Variants in ZNF791 observed in about 807,000 individuals in gnomAD.
ZNF791 encodes the protein zinc finger protein 791.
In ZNF791, 4 loss-of-function variants were observed where a neutral mutation model predicts 11.5. The ratio of observed to expected loss-of-function variants is 0.35; its 90% CI spans 0.17 to 0.80. The LOEUF is 0.80. Ranked by LOEUF, ZNF791 falls within the 30% of genes least tolerant of loss-of-function variation. The pLI is 0.53. For synonymous variants in ZNF791, 212 were observed against 228.1 expected (o/e 0.93, Z 0.64); for missense variants, 559 against 699.4 (o/e 0.80, Z 2.26).
At position 12,633,183 on chromosome 19, in the gene ZNF791, A is replaced by G. The variant is rs2023520668; in HGVS notation, c.*3923A>G. 6.6e-6 allele frequency: 1 copy of G among 152,168 alleles called. No homozygotes were observed. Among genetic ancestry groups the G allele is most frequent in the African/African-American group, 2.4e-5 (1 of 41,444 alleles). 9.4% of individuals were successfully genotyped at this position (152,168 alleles called of 1,614,324 possible). ...AAACATCTGGCATAAGTTGGTAAGT[A>G]TGTGAAGTTTATCATATATTCTTAT... On this transcript the variant is annotated 3_prime_UTR_variant, in exon 4 of 4. Transcript: ENST00000343325.
chr19:12,615,041 A>T (rs1438265918), intron 1 of ZNF791, among the ~76,000 whole-genome samples: 2 of 29,418 alleles, frequency 6.8e-5, no homozygotes, highest in Non-Finnish European at 8.1e-5. Flanking sequence ...TTTTTTTGAG[A>T]CAGGGTCCCA....
In ZNF791 at chr19:12,629,899, G is replaced by C. The variant is rs1438464538; in HGVS notation, c.*639G>C. On this transcript the variant is annotated 3_prime_UTR_variant, in exon 4 of 4. Coordinates refer to ENST00000343325, the MANE Select transcript of ZNF791 (RefSeq NM_153358.3). Reference sequence around the variant, plus strand: ...AAAAAAAAAAGTACAACACAGCTGGGCATGGTCACACCTGTGATCCCAACA... The same window carrying C: ...AAAAAAAAAAGTACAACACAGCTGGCCATGGTCACACCTGTGATCCCAACA... 1 of 151,646 alleles carries C rather than the reference G, an allele frequency of 6.6e-6. No homozygotes were observed. Among genetic ancestry groups the C allele is most frequent in the East Asian group, 1.9e-4 (1 of 5,188 alleles). 9.4% of individuals were successfully genotyped at this position (151,646 alleles called of 1,614,324 possible).
intron 1 of ZNF791, among the ~76,000 whole-genome samples, chr19:12,617,228 C>T (rs899451202): frequency 4.0e-5 from 6 of 150,460 alleles, no homozygotes; most frequent in Admixed American, 1.3e-4. Flanking sequence ...CGGGTTCAAG[C>T]GATTCTCCTG....
intron 1 of ZNF791, among the ~76,000 whole-genome samples, chr19:12,616,368 G>A (rs2023245148): frequency 6.6e-6 from 1 of 152,182 alleles, no homozygotes. Flanking sequence ...TAAAGTGGGA[G>A]GATTGCCTGC....
intron 1 of ZNF791, 95 bp downstream of exon 1, chr19:12,611,177 G>A: frequency 1.3e-6 from 2 of 1,531,504 alleles, no homozygotes; most frequent in Non-Finnish European, 8.9e-7. Flanking sequence ...GGGCTGGGCT[G>A]GCAGCTGGAA....
intron 1 of ZNF791, among the ~76,000 whole-genome samples, chr19:12,621,701 A>G (rs1165237225): frequency 2.5e-5 from 3 of 119,290 alleles, no homozygotes; most frequent in Admixed American, 2.5e-4. Context: ...TTTACTTATT[A>G]AAACCTCCAC....
intron 3 of ZNF791, among the ~76,000 whole-genome samples, chr19:12,626,628 G>T (rs1048056908): frequency 1.1e-4 from 16 of 151,658 alleles, no homozygotes; most frequent in African/African-American, 3.6e-4. Context: ...TTTTTGAGAC[G>T]AAGTCTTGCT....
At chr19:12,627,608 A>G (rs1281005303) in intron 3 of ZNF791, 113 bp from the exon 4 acceptor site, 1 of 979,660 alleles carries the variant, frequency 1.0e-6, no homozygotes, top group Non-Finnish European at 1.5e-6. Context: ...CCTGGGGAAC[A>G]AGAACAAGAC....
Position 12,631,396 on chromosome 19 carries a change from C to T in ZNF791, c.*2136C>T, listed in dbSNP as rs2023499766. The T allele has an allele frequency of 6.6e-6, 1 of 152,172 alleles. No individual in the cohort carries two copies. Among genetic ancestry groups the T allele is most frequent in the African/African-American group, 2.4e-5 (1 of 41,428 alleles). The allele number at this position is 152,172 out of a possible 1,614,324, so 9.4% of individuals were successfully genotyped here. A position where few individuals can be genotyped will look rare whatever the true frequency, so the allele number is the denominator to read the frequency against. ...TTAAGCAATCTCTGCCTGTAAAATG[C>T]TCCAGAAAATTCACACCATGATATA... On this transcript the variant is annotated 3_prime_UTR_variant, in exon 4 of 4. Transcript: ENST00000343325.
rs776386930 is a variant in ZNF791, at chr19:12,610,927, T to G, written c.-153T>G. 282 of 1,097,930 alleles carry G rather than the reference T, an allele frequency of 2.6e-4. No individual in the cohort carries two copies. Among genetic ancestry groups the G allele is most frequent in the Non-Finnish European group, 3.7e-4 (272 of 726,938 alleles). The allele number at this position is 1,097,930 out of a possible 1,614,324, so 68.0% of individuals were successfully genotyped here. On this transcript the variant is annotated 5_prime_UTR_variant, in exon 1 of 4. Coordinates refer to ENST00000343325, the MANE Select transcript of ZNF791 (RefSeq NM_153358.3). ...GGTACGGCTACGCTGCGCAAATGCG[T>G]GCTACGTCACTGTGCGATCGGGTTG...
At chr19:12,625,004 C>T (rs1264617387) in intron 3 of ZNF791, among the ~76,000 whole-genome samples, 3 of 151,586 alleles carry the variant, frequency 2.0e-5, no homozygotes, top group Admixed American at 6.6e-5. Flanking sequence ...GAGCCGAGAT[C>T]GCGCCACTGC....
intron 1 of ZNF791, among the ~76,000 whole-genome samples, chr19:12,622,566 T>C (rs937393304): frequency 2.2e-4 from 33 of 151,750 alleles, no homozygotes; most frequent in African/African-American, 7.7e-4. Context: ...GGAGGATCAC[T>C]TGGGGCCGAG....
intron 3 of ZNF791, among the ~76,000 whole-genome samples, chr19:12,625,403 G>A (rs967783397): frequency 2.0e-5 from 3 of 151,816 alleles, no homozygotes; most frequent in East Asian, 2.0e-4. Flanking sequence ...TTACAGGCAC[G>A]AGCCACTGGG....
Position 12,629,428 on chromosome 19 carries a change from C to A in ZNF791, c.*168C>A. The A allele has an allele frequency of 1.9e-6, 1 of 513,706 alleles. No individual in the cohort carries two copies. The highest frequency in any genetic ancestry group is 4.7e-5 in the South Asian group (1 of 21,182). The allele number at this position is 513,706 out of a possible 1,614,324, so 31.8% of individuals were successfully genotyped here. On this transcript the variant is annotated 3_prime_UTR_variant, in exon 4 of 4. Coordinates refer to ENST00000343325, the MANE Select transcript of ZNF791 (RefSeq NM_153358.3). ...AGGTACCACATAATCATGTTTCAGTCAGCAATGGACCATATAGGTTGGTAG... is the reference window on the plus strand; with the variant it reads ...AGGTACCACATAATCATGTTTCAGTAAGCAATGGACCATATAGGTTGGTAG...
chr19:12,624,954 G>A (rs2023404727), intron 3 of ZNF791, among the ~76,000 whole-genome samples: 1 of 151,948 alleles, frequency 6.6e-6, no homozygotes, highest in East Asian at 2.0e-4. Flanking sequence ...TGGAGGCTGA[G>A]GCAGAGAATT....
Position 12,627,850 on chromosome 19 carries a change from A to C in ZNF791, c.321A>C (p.Lys107Asn). ...VKPYECTICG[K>N]AFMRLSSLTR... ...CATATGAGTGTACTATCTGTGGAAA[A>C]GCCTTCATGCGTCTCTCATCCCTTA... is the stretch of plus-strand genomic sequence containing the variant. Residue 107 changes from lysine to asparagine, a missense_variant, in exon 4 of 4, where the codon AAA becomes AAC. By Grantham distance (94) the Lys-to-Asn change is moderately conservative (BLOSUM62 0). Transcript: ENST00000343325. 2 of 1,614,204 alleles carry C rather than the reference A, an allele frequency of 1.2e-6. No homozygotes were observed. Among genetic ancestry groups the C allele is most frequent in the Non-Finnish European group, 1.7e-6 (2 of 1,180,044 alleles).
rs192282972 is a variant in ZNF791, at chr19:12,624,757, A to T, written c.191+47A>T. ...TAACAGTGTTCCTTGAAAGAATCTT[A>T]AAAATGTTATGGCCGGGCACGGTGG... On this transcript the variant is annotated intron_variant, in intron 3 of 3. Coordinates refer to ENST00000343325, the MANE Select transcript of ZNF791 (RefSeq NM_153358.3). The T allele has an allele frequency of 3.5e-5, 52 of 1,504,594 alleles. No individual in the cohort carries two copies. In the African/African-American group the frequency reaches 6.6e-4, roughly 19 times the overall value. The allele number at this position is 1,504,594 out of a possible 1,614,324, so 93.2% of individuals were successfully genotyped here.
At chr19:12,616,303 C>T (rs1599320937) in intron 1 of ZNF791, among the ~76,000 whole-genome samples, 1 of 152,062 alleles carries the variant, frequency 6.6e-6, no homozygotes, top group Admixed American at 6.6e-5. Flanking sequence ...TTTAAGAGTT[C>T]GAATTGGAGG....
At position 12,631,371 on chromosome 19, in the gene ZNF791, T is replaced by G. The variant is rs747567915; in HGVS notation, c.*2111T>G. The stretch of plus-strand genomic sequence containing the variant: ...CGTTTCTCAGAACATATACCCATGA[T>G]TAAGCAATCTCTGCCTGTAAAATGC... On this transcript the variant is annotated 3_prime_UTR_variant, in exon 4 of 4. Transcript: ENST00000343325. 1 of 152,212 alleles carries G rather than the reference T, an allele frequency of 6.6e-6. No homozygotes were observed. The highest frequency in any genetic ancestry group is 2.4e-5 in the African/African-American group (1 of 41,442). The allele number at this position is 152,212 out of a possible 1,614,324, so 9.4% of individuals were successfully genotyped here. A position where few individuals can be genotyped will look rare whatever the true frequency, so the allele number is the denominator to read the frequency against.
Sources: allele counts gnomAD v4.1 joint callset (sites outside exome capture counted in the v4.1 genomes callset), GRCh38; gene constraint gnomAD v4.1.1; transcripts MANE v1.5; gene names NCBI Gene and HGNC (gene_info 2026-07-23, HGNC 2026-07-21).